Variants in WNK3 observed in about 807,000 individuals in gnomAD.
WNK3 encodes the protein serine/threonine-protein kinase WNK3.
In WNK3, 18 loss-of-function variants were observed where a neutral mutation model predicts 116.7. The observed-to-expected ratio is 0.15, with a 90% CI of 0.11 to 0.23. The LOEUF (loss-of-function observed/expected upper bound fraction) is 0.23. WNK3 is among the 10% of genes least tolerant of loss of function. The pLI is 1.00. For synonymous variants in WNK3, 404 were observed against 469.4 expected, an observed-to-expected ratio of 0.86 and a Z score of 1.80; for missense variants, 993 against 1,323.8, an observed-to-expected ratio of 0.75 and a Z score of 3.88.
At chrX:54,320,144 A>G (rs1202621912) in intron 2 of WNK3, among the ~76,000 whole-genome samples, 17 of 112,382 alleles carry the variant, frequency 1.5e-4, no homozygotes, top group Admixed American at 1.4e-3. Flanking sequence ...AAAAAGAAAT[A>G]TTATCCTTTT....
intron 2 of WNK3, among the ~76,000 whole-genome samples, chrX:54,315,826 G>A (rs1270708610): frequency 9.0e-6 from 1 of 111,688 alleles, no homozygotes; most frequent in Admixed American, 9.6e-5. Flanking sequence ...GGTACCTTAT[G>A]TAGTCCCATG....
intron 17 of WNK3, among the ~76,000 whole-genome samples, chrX:54,246,898 T>G (rs1173492223): frequency 9.0e-6 from 1 of 111,173 alleles, no homozygotes; most frequent in African/African-American, 3.3e-5. Flanking sequence ...ACAGGTTACC[T>G]ACAAATGAAT....
At chrX:54,246,966 T>C (rs1164196374) in intron 17 of WNK3, among the ~76,000 whole-genome samples, 1 of 111,875 alleles carries the variant, frequency 8.9e-6, no homozygotes, top group African/African-American at 3.2e-5. Flanking sequence ...TAAAACACTG[T>C]CTTCTAAATT....
At chrX:54,211,835 T>C (rs1236902820) in intron 22 of WNK3, among the ~76,000 whole-genome samples, 2 of 108,681 alleles carry the variant, frequency 1.8e-5, no homozygotes, top group East Asian at 2.9e-4. Context: ...GAGAAAAATC[T>C]CCAAACTCTT....
intron 22 of WNK3, among the ~76,000 whole-genome samples, chrX:54,225,346 C>T (rs781810248): frequency 6.6e-4 from 72 of 109,755 alleles, no homozygotes; most frequent in Non-Finnish European, 1.2e-3. Context: ...CCTGGCTGGG[C>T]GTGGTGGCTC....
intron 22 of WNK3, among the ~76,000 whole-genome samples, chrX:54,226,804 C>T (rs914823904): frequency 2.2e-4 from 25 of 111,969 alleles, no homozygotes; most frequent in African/African-American, 6.8e-4. Flanking sequence ...CGCGCCACTG[C>T]ACTCCAGCCT....
At chrX:54,251,487 T>C (rs1295494517) in intron 14 of WNK3, 37 bp from the exon 15 acceptor site, 10 of 1,198,436 alleles carry the variant, frequency 8.3e-6, no homozygotes, top group Non-Finnish European at 1.1e-5. Context: ...AAAAAGTTCC[T>C]GATTCATATC....
intron 8 of WNK3, among the ~76,000 whole-genome samples, chrX:54,293,638 A>G (rs1557165640): frequency 2.7e-5 from 3 of 112,174 alleles, no homozygotes; most frequent in Admixed American, 1.9e-4. Flanking sequence ...TACACTTGAC[A>G]TAAGGATTTC....
intron 10 of WNK3, among the ~76,000 whole-genome samples, chrX:54,262,784 T>G (rs1462326494): frequency 9.2e-6 from 1 of 109,235 alleles, no homozygotes; most frequent in African/African-American, 3.3e-5. Context: ...ATACAAAAAT[T>G]AGCTGGGTGT....
In WNK3 at chrX:54,222,915, A is replaced by AATAT. The variant is rs782107262; in HGVS notation, c.4870+5795_4870+5798dup. On this transcript the variant is annotated intron_variant, in intron 22 of 23. Coordinates refer to ENST00000354646, the Ensembl canonical transcript of WNK3. ...ATAGTATAATAATAATAATAATAAT[A>AATAT]ATATATATATATATATATATATATA... 8.3e-3 allele frequency among the ~76,000 whole-genome samples: 676 copies of AATAT among 80,978 alleles called. 8 individuals are homozygous for AATAT. Among genetic ancestry groups the AATAT allele is most frequent in the Admixed American group, 0.03 (204 of 6,784 alleles). The allele number at this position is 80,978 out of a possible 115,157, so 70.3% of individuals were successfully genotyped here.
At chrX:54,335,423 A>G (rs1372697038) in intron 1 of WNK3, among the ~76,000 whole-genome samples, 2 of 112,093 alleles carry the variant, frequency 1.8e-5, no homozygotes, top group Admixed American at 1.9e-4. Flanking sequence ...TTGCACAATA[A>G]ACATGTGAAA....
At chrX:54,331,422 G>T (rs996547521) in intron 2 of WNK3, among the ~76,000 whole-genome samples, 3 of 109,194 alleles carry the variant, frequency 2.7e-5, no homozygotes, top group African/African-American at 6.7e-5. Flanking sequence ...ATACCAGAAA[G>T]ATGTATATAC....
intron 2 of WNK3, among the ~76,000 whole-genome samples, chrX:54,323,146 A>G (rs2069057876): frequency 9.0e-6 from 1 of 111,397 alleles, no homozygotes; most frequent in Non-Finnish European, 1.9e-5. Context: ...ACTTTACAGG[A>G]GAGAAAGCCT....
chrX:54,220,694 AAT>A (rs2067751952), intron 22 of WNK3, among the ~76,000 whole-genome samples: 1 of 112,204 alleles, frequency 8.9e-6, no homozygotes, highest in African/African-American at 3.2e-5. Flanking sequence ...AAACTTTATT[AAT>A]AGACTTATTA....
At chrX:54,254,055 G>A (rs1557154972) in exon 13 of WNK3, 2 of 1,198,729 alleles carry the variant, frequency 1.7e-6, no homozygotes, top group Non-Finnish European at 1.1e-6. Context: ...ACTCTACCAT[G>A]TTATCTCCAG....
At chrX:54,240,379 TC>T (rs1170259864) in intron 17 of WNK3, among the ~76,000 whole-genome samples, 2 of 110,067 alleles carry the variant, frequency 1.8e-5, no homozygotes, top group Non-Finnish European at 3.8e-5. Context: ...TTGTAAGCAA[TC>T]AGTTTTTACT....
At position 54,260,817 on chromosome X, in the gene WNK3, G is replaced by A. The variant is rs377333472; in HGVS notation, c.2038-1479C>T. Among the ~76,000 whole-genome samples, 6 of 110,110 alleles carry A rather than the reference G, an allele frequency of 5.4e-5. No homozygotes were observed. The East Asian group carries it at 1.7e-3, about 32-fold the overall frequency. On this transcript the variant is annotated intron_variant, in intron 10 of 23. Coordinates refer to ENST00000354646, the Ensembl canonical transcript of WNK3. ...GGCTCACTGCAACCTCCACCTCCTAGGTTCAAGTGATTCTCCTGTCTGAGC... is the reference window on the plus strand; with the variant it reads ...GGCTCACTGCAACCTCCACCTCCTAAGTTCAAGTGATTCTCCTGTCTGAGC...
intron 1 of WNK3, among the ~76,000 whole-genome samples, chrX:54,352,249 T>A (rs1219776311): frequency 1.8e-5 from 2 of 111,709 alleles, no homozygotes; most frequent in Non-Finnish European, 3.8e-5. Flanking sequence ...AATAATTTTT[T>A]AAAAAACAAG....
chrX:54,337,705 G>A (rs191039814), intron 1 of WNK3, among the ~76,000 whole-genome samples: 6 of 108,184 alleles, frequency 5.5e-5, no homozygotes, highest in Non-Finnish European at 1.2e-4. Context: ...GTCGTGAGCC[G>A]AGATCACACC....
Sources: allele counts gnomAD v4.1 joint callset (sites outside exome capture counted in the v4.1 genomes callset), GRCh38; gene constraint gnomAD v4.1.1; transcripts MANE v1.5; gene names NCBI Gene and HGNC (gene_info 2026-07-23, HGNC 2026-07-21).